Variants in SOX5 observed in about 807,000 individuals in gnomAD.
The protein encoded by SOX5 is transcription factor SOX-5.
SOX5 carries 9 observed loss-of-function variants against 92.0 expected under a neutral mutation model. That is an observed-to-expected ratio of 0.10 (90% CI 0.06 to 0.17). SOX5 has a LOEUF of 0.17. Among genes scored for constraint, SOX5 ranks in the 10% least tolerant of loss-of-function variants. The probability of loss-of-function intolerance (pLI) is 1.00; values close to 1 mark genes in which losing one functional copy is unlikely to be tolerated. For missense variants in SOX5, 642 were observed against 944.5 expected (o/e 0.68, Z 4.20); for synonymous variants, 344 against 336.3 (o/e 1.02, Z -0.25).
At chr12:23,593,048 C>T (rs1267305902) in intron 9 of SOX5, among the ~76,000 whole-genome samples, 1 of 151,518 alleles carries the variant, frequency 6.6e-6, no homozygotes, top group Non-Finnish European at 1.5e-5. Flanking sequence ...CCCTGCACTC[C>T]AGCCTGGGCA....
intron 2 of SOX5, among the ~76,000 whole-genome samples, chr12:23,887,412 T>A (rs1293329952): frequency 6.6e-6 from 1 of 152,192 alleles, no homozygotes; most frequent in Non-Finnish European, 1.5e-5. Context: ...CAAAATTATA[T>A]AATAAAGTGC....
chr12:23,707,196 A>G (rs2091493288), intron 6 of SOX5, among the ~76,000 whole-genome samples: 2 of 152,162 alleles, frequency 1.3e-5, no homozygotes, highest in Non-Finnish European at 2.9e-5. Flanking sequence ...GCTCCATCCT[A>G]ATGAAAAGCC....
At chr12:24,334,912 G>GC (rs1951723184) in intron 2 of SOX5, among the ~76,000 whole-genome samples, 1 of 89,724 alleles carries the variant, frequency 1.1e-5, no homozygotes, top group African/African-American at 4.1e-5. Context: ...TCCCAATTAT[G>GC]TAAAAAAAAA....
intron 4 of SOX5, among the ~76,000 whole-genome samples, chr12:24,201,021 C>T (rs1471336514): frequency 6.6e-6 from 1 of 152,160 alleles, no homozygotes; most frequent in African/African-American, 2.4e-5. Context: ...GAGGAACTAT[C>T]ACAGAACTAT....
chr12:24,267,225 C>CAAA (rs1405839324), intron 3 of SOX5, among the ~76,000 whole-genome samples: 3 of 151,960 alleles, frequency 2.0e-5, no homozygotes, highest in Admixed American at 6.6e-5. Flanking sequence ...GACCCTGTCT[C>CAAA]AAAAACAAAA....
At chr12:23,740,770 G>T in intron 5 of SOX5, 97 bp downstream of exon 5, 2 of 999,190 alleles carry the variant, frequency 2.0e-6, no homozygotes, top group Non-Finnish European at 2.8e-6. Flanking sequence ...AGGTGGAAGG[G>T]ACTCTTATTC....
At chr12:23,973,527 T>C (rs1591958392) in intron 4 of SOX5, among the ~76,000 whole-genome samples, 1 of 152,180 alleles carries the variant, frequency 6.6e-6, no homozygotes, top group Non-Finnish European at 1.5e-5. Flanking sequence ...CAGAATACTA[T>C]ACAGCCTTTA....
At chr12:23,659,274 G>A (rs1353143422) in intron 7 of SOX5, among the ~76,000 whole-genome samples, 2 of 152,126 alleles carry the variant, frequency 1.3e-5, no homozygotes, top group Non-Finnish European at 2.9e-5. Context: ...CAGCAAATAC[G>A]CCTGAGGAAG....
intron 3 of SOX5, among the ~76,000 whole-genome samples, chr12:24,237,161 C>T (rs1964678495): frequency 6.6e-6 from 1 of 152,154 alleles, no homozygotes; most frequent in African/African-American, 2.4e-5. Flanking sequence ...TGTTATTGGG[C>T]ATAAATACAT....
chr12:23,570,849 T>C (rs1348203234), intron 10 of SOX5, among the ~76,000 whole-genome samples: 2 of 141,732 alleles, frequency 1.4e-5, no homozygotes, highest in African/African-American at 2.7e-5. Context: ...AGGCGGAGCT[T>C]GCAGTGAGCC....
intron 9 of SOX5, 26 bp from the exon 10 acceptor site, chr12:23,575,864 T>A (rs753079279): frequency 1.3e-6 from 2 of 1,503,476 alleles, no homozygotes; most frequent in African/African-American, 1.4e-5. Context: ...GAACATGAGC[T>A]GTGATAAGGA....
At chr12:24,460,195 T>C (rs1943468774) in intron 1 of SOX5, among the ~76,000 whole-genome samples, 1 of 152,178 alleles carries the variant, frequency 6.6e-6, no homozygotes, top group African/African-American at 2.4e-5. Flanking sequence ...GGGAGTGACA[T>C]TTTGCAGTCA....
chr12:23,614,097 G>A (rs1171504895), intron 8 of SOX5, among the ~76,000 whole-genome samples: 1 of 152,028 alleles, frequency 6.6e-6, no homozygotes, highest in Non-Finnish European at 1.5e-5. Context: ...TCTTGACTTC[G>A]ACTGACTTGT....
intron 3 of SOX5, among the ~76,000 whole-genome samples, chr12:23,815,054 T>C (rs1402858998): frequency 6.6e-6 from 1 of 152,178 alleles, no homozygotes; most frequent in Admixed American, 6.5e-5. Context: ...ATATTTTCCT[T>C]CAAGAAATCT....
intron 2 of SOX5, among the ~76,000 whole-genome samples, chr12:23,877,112 G>A (rs2096935978): frequency 6.6e-6 from 1 of 152,014 alleles, no homozygotes; most frequent in African/African-American, 2.4e-5. Context: ...TGCACGTTCT[G>A]CACATGTATC....
At chr12:23,740,564 G>A (rs1341273251) in intron 5 of SOX5, among the ~76,000 whole-genome samples, 1 of 152,106 alleles carries the variant, frequency 6.6e-6, no homozygotes, top group Non-Finnish European at 1.5e-5. Flanking sequence ...GCTTCTTGTT[G>A]AAAATGTTCT....
Position 24,472,348 on chromosome 12 carries a change from G to T in SOX5, c.-251+89981C>A, listed in dbSNP as rs150623247. On this transcript the variant is annotated intron_variant, in intron 1 of 4. Coordinates refer to the SOX5 transcript ENST00000446891. Reference sequence around the variant, plus strand: ...CTTTCATCTTTTCCCCTCACAAGGGGATTGTACCTCAGTGTGTAATGTGAT... The same window carrying T: ...CTTTCATCTTTTCCCCTCACAAGGGTATTGTACCTCAGTGTGTAATGTGAT... Among the ~76,000 whole-genome samples, 257 of 152,308 alleles carry T rather than the reference G, an allele frequency of 1.7e-3. 2 individuals are homozygous for T. Among genetic ancestry groups the T allele is most frequent in the African/African-American group, 5.1e-3 (210 of 41,560 alleles).
chr12:24,032,908 A>T (rs1955655276), intron 4 of SOX5, among the ~76,000 whole-genome samples: 1 of 151,908 alleles, frequency 6.6e-6, no homozygotes, highest in Non-Finnish European at 1.5e-5. Context: ...TATATTTCAC[A>T]CTTTGTAACA....
At chr12:23,767,373 T>C (rs2094773059) in intron 3 of SOX5, among the ~76,000 whole-genome samples, 1 of 152,118 alleles carries the variant, frequency 6.6e-6, no homozygotes, top group African/African-American at 2.4e-5. Context: ...ATCTCTGAAT[T>C]GTTGAGAACT....
Sources: gnomAD v4.1 joint callset for allele counts (sites outside exome capture counted in the v4.1 genomes callset) on GRCh38, gnomAD v4.1.1 for gene constraint, MANE v1.5 for transcripts, NCBI Gene and HGNC (gene_info 2026-07-23, HGNC 2026-07-21) for gene names.